NAALADL2: variants seen among roughly 807,000 people sequenced by gnomAD.
NAALADL2 encodes the protein inactive N-acetylated-alpha-linked acidic dipeptidase-like protein 2.
In NAALADL2, 76 loss-of-function variants were observed where a neutral mutation model predicts 87.2. The ratio of observed to expected loss-of-function variants is 0.87; its 90% CI spans 0.72 to 1.05. NAALADL2 has a LOEUF of 1.05. Ranked by LOEUF, NAALADL2 falls within the 50% of genes least tolerant of loss-of-function variation. The pLI, the probability that NAALADL2 is intolerant of heterozygous loss-of-function variation, is 0.00. For synonymous variants in NAALADL2, 354 were observed against 331.0 expected (o/e 1.07, Z -0.75); for missense variants, 1,089 against 945.8 (o/e 1.15, Z -1.99).
At chr3:174,943,971 G>A (rs538379653) in intron 1 of NAALADL2, among the ~76,000 whole-genome samples, 3 of 152,118 alleles carry the variant, frequency 2.0e-5, no homozygotes, top group Admixed American at 6.5e-5. Flanking sequence ...GGTAACTGGA[G>A]GCCCAGGCCT....
At chr3:174,940,019 C>T (rs1259585764) in intron 1 of NAALADL2, among the ~76,000 whole-genome samples, 1 of 152,040 alleles carries the variant, frequency 6.6e-6, no homozygotes, top group Non-Finnish European at 1.5e-5. Context: ...CCTGATTGCT[C>T]AGGTTAGGAG....
At chr3:175,569,009 A>G (rs1337092525) in intron 9 of NAALADL2, among the ~76,000 whole-genome samples, 3 of 152,258 alleles carry the variant, frequency 2.0e-5, no homozygotes, top group Admixed American at 2.0e-4. Context: ...GGCCTGTTTC[A>G]TAATTGAATG....
chr3:175,542,462 C>A (rs534071444), intron 9 of NAALADL2, among the ~76,000 whole-genome samples: 1 of 152,330 alleles, frequency 6.6e-6, no homozygotes, highest in East Asian at 1.9e-4. Context: ...CCCTGTGGAA[C>A]CCACGTGTAG....
intron 2 of NAALADL2, among the ~76,000 whole-genome samples, chr3:174,635,778 C>T (rs972363010): frequency 6.6e-6 from 1 of 152,126 alleles, no homozygotes; most frequent in Admixed American, 6.5e-5. Flanking sequence ...GCTGGGATTA[C>T]AGGCGTGAGC....
chr3:175,343,653 A>G (rs1347607801), intron 5 of NAALADL2, among the ~76,000 whole-genome samples: 1 of 52,286 alleles, frequency 1.9e-5, no homozygotes, highest in Admixed American at 2.3e-4. Flanking sequence ...TGTCTTGATC[A>G]TGTTTTTTTT....
chr3:175,127,225 T>C (rs1727100427), intron 2 of NAALADL2, among the ~76,000 whole-genome samples: 2 of 152,164 alleles, frequency 1.3e-5, no homozygotes, highest in African/African-American at 4.8e-5. Context: ...TTTCACTTCA[T>C]TATCTCCCGC....
chr3:175,528,656 T>A (rs561536195), intron 9 of NAALADL2, among the ~76,000 whole-genome samples: 19 of 152,284 alleles, frequency 1.2e-4, no homozygotes, highest in Non-Finnish European at 2.5e-4. Context: ...ATAATAAGGT[T>A]ATAATTATGC....
chr3:174,980,250 T>C (rs568552846), intron 1 of NAALADL2, among the ~76,000 whole-genome samples: 24 of 152,362 alleles, frequency 1.6e-4, no homozygotes, highest in African/African-American at 4.8e-4. Flanking sequence ...ATTTTATTCA[T>C]CATTATATTC....
At chr3:175,005,950 A>G (rs1463253688) in intron 1 of NAALADL2, among the ~76,000 whole-genome samples, 2 of 152,204 alleles carry the variant, frequency 1.3e-5, no homozygotes, top group Non-Finnish European at 2.9e-5. Context: ...GCGTTTGTCT[A>G]AAAGCAGTAA....
At chr3:174,832,698 C>T (rs898949405) in intron 3 of NAALADL2, among the ~76,000 whole-genome samples, 13 of 152,052 alleles carry the variant, frequency 8.5e-5, no homozygotes, top group East Asian at 3.9e-4. Context: ...GATCTCTTGA[C>T]GTCGTGATCC....
intron 1 of NAALADL2, among the ~76,000 whole-genome samples, chr3:174,912,703 TAAGAC>T (rs577478030): frequency 1.1e-3 from 161 of 152,252 alleles, no homozygotes; most frequent in African/African-American, 3.7e-3. Context: ...TAGAATAAAA[TAAGAC>T]AAGGTTAATT....
chr3:175,593,170 C>T (rs1434765324), intron 10 of NAALADL2, among the ~76,000 whole-genome samples: 1 of 151,964 alleles, frequency 6.6e-6, no homozygotes, highest in Non-Finnish European at 1.5e-5. Flanking sequence ...TCCCACTGCC[C>T]CCTCAAAAGC....
At chr3:175,765,759 C>T (rs1391879737) in intron 13 of NAALADL2, among the ~76,000 whole-genome samples, 1 of 152,074 alleles carries the variant, frequency 6.6e-6, no homozygotes, top group Non-Finnish European at 1.5e-5. Context: ...AACAACAATA[C>T]TTTCCATAGA....
At chr3:174,758,426 T>G (rs1343441660) in intron 3 of NAALADL2, among the ~76,000 whole-genome samples, 1 of 152,172 alleles carries the variant, frequency 6.6e-6, no homozygotes, top group African/African-American at 2.4e-5. Flanking sequence ...ATCATTCTCT[T>G]TCGTCCCTTA....
intron 1 of NAALADL2, among the ~76,000 whole-genome samples, chr3:174,940,043 T>C (rs1332104762): frequency 6.6e-6 from 1 of 152,134 alleles, no homozygotes; most frequent in East Asian, 1.9e-4. Flanking sequence ...TAATACTATG[T>C]TGAATAGAAG....
At chr3:174,971,087 G>A (rs908927472) in intron 1 of NAALADL2, among the ~76,000 whole-genome samples, 1 of 152,126 alleles carries the variant, frequency 6.6e-6, no homozygotes, top group Non-Finnish European at 1.5e-5. Flanking sequence ...CAGCAAGCCC[G>A]ATAAACCCAT....
intron 2 of NAALADL2, among the ~76,000 whole-genome samples, chr3:175,217,911 G>A (rs1189284891): frequency 6.6e-6 from 1 of 152,156 alleles, no homozygotes; most frequent in Non-Finnish European, 1.5e-5. Flanking sequence ...AAATCAGTTT[G>A]TACGTATAGA....
intron 2 of NAALADL2, among the ~76,000 whole-genome samples, chr3:174,633,715 C>T (rs1722367470): frequency 2.0e-5 from 3 of 152,154 alleles, no homozygotes. Context: ...CAGTGAAAAA[C>T]TGGAGTTGCT....
intron 6 of NAALADL2, among the ~76,000 whole-genome samples, chr3:175,455,294 C>G (rs2149247069): frequency 6.6e-6 from 1 of 152,086 alleles, no homozygotes; most frequent in South Asian, 2.1e-4. Flanking sequence ...AGGTACTTCT[C>G]CTGGGGTAAG....
Sources: allele counts gnomAD v4.1 joint callset (sites outside exome capture counted in the v4.1 genomes callset), GRCh38; gene constraint gnomAD v4.1.1; transcripts MANE v1.5; gene names NCBI Gene and HGNC (gene_info 2026-07-23, HGNC 2026-07-21).